The following SOCS5 variants were observed in gnomAD, a reference collection of about 807,000 sequenced individuals.
SOCS5 encodes suppressor of cytokine signaling 5.
SOCS5 carries 32 observed loss-of-function variants against 42.8 expected under a neutral mutation model. The ratio of observed to expected loss-of-function variants is 0.75; its 90% CI spans 0.56 to 1.01. SOCS5 has a LOEUF of 1.01. SOCS5 is among the 50% of genes least tolerant of loss of function. The pLI, the probability that SOCS5 is intolerant of heterozygous loss-of-function variation, is 0.00. For missense variants in SOCS5, 627 were observed against 653.0 expected (o/e 0.96, Z 0.43); for synonymous variants, 283 against 229.6 (o/e 1.23, Z -2.10).
At chr2:46,750,312 G>C (rs973716997) in intron 1 of SOCS5, among the ~76,000 whole-genome samples, 33 of 152,090 alleles carry the variant, frequency 2.2e-4, no homozygotes, top group African/African-American at 8.0e-4. Context: ...TTAGAATTGT[G>C]TGGATAAAAC....
chr2:46,710,620 T>G (rs566607372), intron 1 of SOCS5, among the ~76,000 whole-genome samples: 8 of 152,306 alleles, frequency 5.3e-5, no homozygotes, highest in African/African-American at 1.9e-4. Context: ...TTCTTCAGTC[T>G]GATAAAGGGC....
At chr2:46,714,879 G>C (rs1375738875) in intron 1 of SOCS5, among the ~76,000 whole-genome samples, 1 of 151,934 alleles carries the variant, frequency 6.6e-6, no homozygotes, top group Non-Finnish European at 1.5e-5. Context: ...CTGTTGGTTT[G>C]TAACTTAGAT....
chr2:46,713,371 A>G (rs752638152), intron 1 of SOCS5, among the ~76,000 whole-genome samples: 20 of 152,100 alleles, frequency 1.3e-4, no homozygotes, highest in Non-Finnish European at 2.5e-4. Context: ...CAAATGTAAG[A>G]CTACTCAGAT....
intron 1 of SOCS5, among the ~76,000 whole-genome samples, chr2:46,740,808 G>A (rs751943866): frequency 4.6e-5 from 7 of 152,062 alleles, no homozygotes; most frequent in Admixed American, 2.0e-4. Flanking sequence ...TATCCTTGAG[G>A]CCCAGACCCA....
chr2:46,737,759 T>C (rs1673284504), intron 1 of SOCS5, among the ~76,000 whole-genome samples: 1 of 152,072 alleles, frequency 6.6e-6, no homozygotes, highest in Non-Finnish European at 1.5e-5. Context: ...ACTGGCCAAC[T>C]CACACACCAG....
chr2:46,747,372 C>A (rs560099234), intron 1 of SOCS5, among the ~76,000 whole-genome samples: 4 of 152,152 alleles, frequency 2.6e-5, no homozygotes, highest in Admixed American at 2.6e-4. Flanking sequence ...AGGCGCACAC[C>A]ACCATACCTG....
intron 1 of SOCS5, among the ~76,000 whole-genome samples, chr2:46,709,089 G>A (rs951116092): frequency 1.3e-5 from 2 of 152,014 alleles, no homozygotes; most frequent in Admixed American, 1.3e-4. Context: ...GTTTCACCGT[G>A]TTGGCCAGAC....
chr2:46,728,996 T>G (rs2103724014), intron 1 of SOCS5, among the ~76,000 whole-genome samples: 1 of 152,304 alleles, frequency 6.6e-6, no homozygotes, highest in South Asian at 2.1e-4. Flanking sequence ...CTACCTCAGA[T>G]CTACTGAATC....
At chr2:46,729,931 A>G (rs1489527814) in intron 1 of SOCS5, among the ~76,000 whole-genome samples, 1 of 152,132 alleles carries the variant, frequency 6.6e-6, no homozygotes, top group Admixed American at 6.5e-5. Context: ...TTTTTTCTTT[A>G]TATCCTTATT....
At chr2:46,726,738 AATT>A (rs111456718) in intron 1 of SOCS5, among the ~76,000 whole-genome samples, 89,733 of 145,278 alleles carry the variant, frequency 0.62, 27,907 homozygotes, top group Admixed American at 0.67. Context: ...TTCAGTTCTA[AATT>A]ATTATTATTA....
chr2:46,739,750 G>A (rs906357149), intron 1 of SOCS5, among the ~76,000 whole-genome samples: 6 of 151,900 alleles, frequency 3.9e-5, no homozygotes, highest in Non-Finnish European at 8.8e-5. Context: ...AAATGGTATA[G>A]TTTAGTTTTG....
chr2:46,735,137 T>C (rs902344739), intron 1 of SOCS5, among the ~76,000 whole-genome samples: 3 of 152,192 alleles, frequency 2.0e-5, no homozygotes, highest in African/African-American at 7.2e-5. Flanking sequence ...AAAATAAGGA[T>C]GGCCTAAAAA....
chr2:46,730,176 C>T (rs906640033), intron 1 of SOCS5, among the ~76,000 whole-genome samples: 4 of 152,118 alleles, frequency 2.6e-5, no homozygotes, highest in African/African-American at 7.2e-5. Flanking sequence ...ATCTTAGATA[C>T]GGATTTTGGC....
chr2:46,720,907 A>T (rs1052942095), intron 1 of SOCS5, among the ~76,000 whole-genome samples: 4 of 152,110 alleles, frequency 2.6e-5, no homozygotes, highest in Admixed American at 2.6e-4. Context: ...GGTTCTGAGA[A>T]AGCAGTATTG....
At position 46,759,585 on chromosome 2, in the gene SOCS5, G is replaced by C. The variant is rs764087838; in HGVS notation, c.1055G>C (p.Ser352Thr). 3.7e-6 allele frequency: 6 copies of C among 1,613,846 alleles called. No individual in the cohort carries two copies. Among genetic ancestry groups the C allele is most frequent in the African/African-American group, 1.3e-5 (1 of 74,918 alleles). Residue 352 changes from serine to threonine, a missense_variant, in exon 2 of 2, where the codon AGC (serine) becomes ACC (threonine). By Grantham distance (58) the Ser-to-Thr change is moderately conservative (BLOSUM62 1). Transcript: ENST00000394861. ...QISGDSHTHVSRQGAWKVHTQ... is the reference protein window; with the variant it reads ...QISGDSHTHVTRQGAWKVHTQ... The stretch of plus-strand genomic sequence containing the variant: ...TCTGGAGACAGCCATACCCATGTTA[G>C]CAGACAGGGAGCTTGGAAAGTCCAC...
At chr2:46,752,047 A>G (rs1368224791) in intron 1 of SOCS5, among the ~76,000 whole-genome samples, 2 of 152,224 alleles carry the variant, frequency 1.3e-5, no homozygotes, top group African/African-American at 2.4e-5. Context: ...AGAGTTCAGT[A>G]GTTGCCATAG....
chr2:46,738,158 C>T (rs1171600753), intron 1 of SOCS5, among the ~76,000 whole-genome samples: 2 of 152,024 alleles, frequency 1.3e-5, no homozygotes, highest in African/African-American at 4.8e-5. Context: ...AAAGCAGGGC[C>T]TGATTATGGG....
intron 1 of SOCS5, among the ~76,000 whole-genome samples, chr2:46,743,505 T>G (rs1673424322): frequency 6.6e-6 from 1 of 152,184 alleles, no homozygotes; most frequent in African/African-American, 2.4e-5. Flanking sequence ...ATCACTCTTG[T>G]GGCCTTCTTG....
At chr2:46,705,906 G>T (rs1480138921) in intron 1 of SOCS5, among the ~76,000 whole-genome samples, 2 of 152,122 alleles carry the variant, frequency 1.3e-5, no homozygotes, top group Non-Finnish European at 2.9e-5. Flanking sequence ...GTTTTCATGT[G>T]GCACAGAACA....
Sources: gnomAD v4.1 joint callset for allele counts (sites outside exome capture counted in the v4.1 genomes callset) on GRCh38, gnomAD v4.1.1 for gene constraint, MANE v1.5 for transcripts, NCBI Gene and HGNC (gene_info 2026-07-23, HGNC 2026-07-21) for gene names.